The following MAGI2 variants were observed in gnomAD, a reference collection of about 807,000 sequenced individuals.
The protein encoded by MAGI2 is membrane associated guanylate kinase, WW and PDZ domain containing 2.
Under a neutral mutation model 133.3 loss-of-function variants are expected in MAGI2, and 35 were observed. The observed-to-expected ratio is 0.26, with a 90% CI of 0.20 to 0.35. MAGI2 has a LOEUF of 0.35. Among genes scored for constraint, MAGI2 ranks in the 10% least tolerant of loss-of-function variants. MAGI2 has a pLI of 1.00. For synonymous variants in MAGI2, 729 were observed against 710.6 expected (o/e 1.03, Z -0.41); for missense variants, 1,636 against 1,863.4 (o/e 0.88, Z 2.25).
At chr7:78,338,577 T>C (rs77850364) in intron 9 of MAGI2, among the ~76,000 whole-genome samples, 1 of 152,208 alleles carries the variant, frequency 6.6e-6, no homozygotes, top group Non-Finnish European at 1.5e-5. Context: ...TGGGATTTGC[T>C]AGTAATTAGC....
intron 21 of MAGI2, among the ~76,000 whole-genome samples, chr7:78,064,328 T>TTGTGTGTGTGTGTGTGTGTGTGTGTGTG (rs3840609): frequency 6.7e-6 from 1 of 148,494 alleles, no homozygotes; most frequent in Non-Finnish European, 1.5e-5. Context: ...TGTGATGGTT[T>TTGTGTGTGTGTGTGTGTGTGTGTGTGTG]TGTGTGTGTG....
intron 6 of MAGI2, among the ~76,000 whole-genome samples, chr7:78,461,393 C>CGTGTGGGTGTGTGTGTGT: frequency 7.2e-6 from 1 of 138,018 alleles, no homozygotes; most frequent in South Asian, 2.5e-4. Context: ...CGTGTGTGTG[C>CGTGTGGGTGTGTGTGTGT]GTGTGTGTGT....
chr7:78,456,648 T>G (rs1206202979), intron 6 of MAGI2, among the ~76,000 whole-genome samples: 1 of 152,132 alleles, frequency 6.6e-6, no homozygotes. Flanking sequence ...AATAACTATA[T>G]CAACAGGAAG....
intron 1 of MAGI2, among the ~76,000 whole-genome samples, chr7:79,065,110 A>G (rs981486394): frequency 6.6e-5 from 10 of 151,998 alleles, no homozygotes; most frequent in Admixed American, 3.3e-4. Context: ...TTTTTGTTAC[A>G]TGGGCTCAGC....
intron 1 of MAGI2, among the ~76,000 whole-genome samples, chr7:79,346,417 C>T (rs544557372): frequency 2.1e-4 from 32 of 152,018 alleles, no homozygotes; most frequent in Non-Finnish European, 4.0e-4. Flanking sequence ...TTGTTTTCAA[C>T]ATGTGGTGGG....
intron 2 of MAGI2, among the ~76,000 whole-genome samples, chr7:78,649,762 A>T (rs978716661): frequency 6.6e-6 from 1 of 152,166 alleles, no homozygotes; most frequent in African/African-American, 2.4e-5. Flanking sequence ...GAACATTGGT[A>T]TGCAGCCAAG....
chr7:79,242,683 T>C (rs1269712238), intron 1 of MAGI2, among the ~76,000 whole-genome samples: 1 of 152,220 alleles, frequency 6.6e-6, no homozygotes, highest in Non-Finnish European at 1.5e-5. Flanking sequence ...ATGGTTTCCA[T>C]GTTGTTGAAT....
rs1803937749 is a variant in MAGI2, at chr7:78,590,965, TAGC to T, written c.538+36152_538+36154del. On this transcript the variant is annotated intron_variant, in intron 3 of 21. Coordinates refer to ENST00000354212, the MANE Select transcript of MAGI2 (RefSeq NM_012301.4). ...CTTAGATTGCAATACACTAGCCAAATAGCAGTCTCTGTCAGAGACTCCTCCCTC... is the reference window on the plus strand; with the variant it reads ...CTTAGATTGCAATACACTAGCCAAATAGTCTCTGTCAGAGACTCCTCCCTC... 1.3e-5 allele frequency among the ~76,000 whole-genome samples: 2 copies of T among 152,208 alleles called. 1 individual carries two copies. The highest frequency in any genetic ancestry group is 4.1e-4 in the South Asian group (2 of 4,834).
intron 1 of MAGI2, among the ~76,000 whole-genome samples, chr7:79,418,880 C>T (rs1846740480): frequency 2.2e-5 from 2 of 89,044 alleles, no homozygotes; most frequent in African/African-American, 2.0e-4. Flanking sequence ...CACACACACA[C>T]ACACACATTT....
intron 7 of MAGI2, chr7:78,359,257 C>G (rs1792514037): frequency 6.6e-6 from 1 of 152,160 alleles, no homozygotes; most frequent in African/African-American, 2.4e-5. Flanking sequence ...CTCTTTTTAA[C>G]TCCCACCTTC....
intron 21 of MAGI2, among the ~76,000 whole-genome samples, chr7:78,070,174 C>CATATATATAT (rs57714371): frequency 1.5e-3 from 83 of 56,582 alleles, no homozygotes; most frequent in South Asian, 6.7e-3. Context: ...CACACACACA[C>CATATATATAT]ATATATATAT....
chr7:79,294,902 TG>T (rs1194601979), intron 1 of MAGI2, among the ~76,000 whole-genome samples: 2 of 151,068 alleles, frequency 1.3e-5, no homozygotes, highest in Non-Finnish European at 3.0e-5. Flanking sequence ...GCTAAATTTT[TG>T]TACTTTTTTT....
In MAGI2 at chr7:79,015,687, G is replaced by T. The variant is rs188785378; in HGVS notation, c.302-8481C>A. Among the ~76,000 whole-genome samples the T allele has an allele frequency of 1.2e-4, 18 of 152,258 alleles. No homozygotes were observed. In the East Asian group the frequency reaches 3.5e-3, roughly 29 times the overall value. On this transcript the variant is annotated intron_variant, in intron 1 of 21. Coordinates refer to ENST00000354212, the MANE Select transcript of MAGI2 (RefSeq NM_012301.4). ...TCCCAAAGGTTTATTTTGGAATGCA[G>T]AATGGTTTTTACTGTAGAAAAATGT...
intron 2 of MAGI2, among the ~76,000 whole-genome samples, chr7:78,856,539 T>C (rs1292939217): frequency 2.0e-5 from 3 of 152,280 alleles, no homozygotes; most frequent in South Asian, 2.1e-4. Context: ...TTTTGTCAGG[T>C]TTGTCAAATA....
chr7:78,468,652 G>A (rs1790886363), intron 6 of MAGI2, among the ~76,000 whole-genome samples: 2 of 151,770 alleles, frequency 1.3e-5, no homozygotes, highest in African/African-American at 4.8e-5. Flanking sequence ...TAATATAATT[G>A]GCTTTGCTTT....
intron 2 of MAGI2, among the ~76,000 whole-genome samples, chr7:78,653,173 T>A (rs1352641888): frequency 6.6e-6 from 1 of 152,140 alleles, no homozygotes; most frequent in Non-Finnish European, 1.5e-5. Flanking sequence ...AGGAACACTT[T>A]TACACTGTTG....
At chr7:78,264,483 T>C (rs1359658385) in intron 9 of MAGI2, among the ~76,000 whole-genome samples, 2 of 152,188 alleles carry the variant, frequency 1.3e-5, no homozygotes, top group Non-Finnish European at 2.9e-5. Context: ...GCTAAGTTAA[T>C]GGAGGCATGC....
intron 1 of MAGI2, among the ~76,000 whole-genome samples, chr7:79,208,796 A>G (rs1829271886): frequency 1.3e-5 from 2 of 151,998 alleles, no homozygotes; most frequent in Non-Finnish European, 2.9e-5. Flanking sequence ...TCATCAGTGG[A>G]TGAGTTTCTG....
chr7:78,362,397 A>G (rs6957204), intron 7 of MAGI2, among the ~76,000 whole-genome samples: 78,175 of 152,086 alleles, frequency 0.51, 20,802 homozygotes, highest in Middle Eastern at 0.61. Context: ...ATCAAGAGCC[A>G]GTTGAAGTTT....
Sources: gnomAD v4.1 joint callset for allele counts (sites outside exome capture counted in the v4.1 genomes callset) on GRCh38, gnomAD v4.1.1 for gene constraint, MANE v1.5 for transcripts, NCBI Gene and HGNC (gene_info 2026-07-23, HGNC 2026-07-21) for gene names.